The following WDR19 variants were observed in gnomAD, a reference collection of about 807,000 sequenced individuals.
The protein encoded by WDR19 is WD repeat-containing protein 19.
In WDR19, 121 loss-of-function variants were observed where a neutral mutation model predicts 180.0. The ratio of observed to expected loss-of-function variants is 0.67; its 90% CI spans 0.58 to 0.78. The LOEUF (loss-of-function observed/expected upper bound fraction) is 0.78. Among genes scored for constraint, WDR19 ranks in the 30% least tolerant of loss-of-function variants. WDR19 has a pLI of 0.00. For synonymous variants in WDR19, 497 were observed against 540.7 expected, an observed-to-expected ratio of 0.92 and a Z score of 1.12; for missense variants, 1,450 against 1,640.7, an observed-to-expected ratio of 0.88 and a Z score of 2.01.
At chr4:39,243,701 A>T (rs1405399669) in intron 21 of WDR19, among the ~76,000 whole-genome samples, 1 of 152,214 alleles carries the variant, frequency 6.6e-6, no homozygotes, top group East Asian at 1.9e-4. Flanking sequence ...GCAGATACAG[A>T]TCATTTCTGT....
intron 31 of WDR19, among the ~76,000 whole-genome samples, chr4:39,272,194 T>C (rs974852320): frequency 1.3e-5 from 2 of 152,156 alleles, no homozygotes; most frequent in Admixed American, 6.5e-5. Flanking sequence ...ATGGAGTCTT[T>C]AGGAGTGCAG....
chr4:39,225,301 T>C (rs1560511365), intron 15 of WDR19, among the ~76,000 whole-genome samples: 2 of 152,304 alleles, frequency 1.3e-5, no homozygotes, highest in Non-Finnish European at 2.9e-5. Flanking sequence ...TTCAAACTTA[T>C]CATATACTTA....
At chr4:39,257,395 A>C in intron 27 of WDR19, 91 bp from the exon 28 acceptor site, 2 of 1,184,088 alleles carry the variant, frequency 1.7e-6, no homozygotes, top group Admixed American at 4.3e-5. Flanking sequence ...CACAGACTGT[A>C]ATTACTTTGT....
intron 25 of WDR19, 69 bp from the exon 26 acceptor site, chr4:39,253,837 C>T: frequency 2.2e-6 from 3 of 1,392,458 alleles, no homozygotes; most frequent in Admixed American, 2.4e-5. Flanking sequence ...ATGGTTTCTC[C>T]TGGTTGAAAA....
In WDR19 at chr4:39,244,530, G is replaced by A. The variant is rs1355202966; in HGVS notation, c.2623G>A (p.Val875Ile). 2 of 1,613,858 alleles carry A rather than the reference G, an allele frequency of 1.2e-6. No homozygotes were observed. Residue 875 changes from valine to isoleucine, a missense_variant, in exon 23 of 37, where the codon GTT (valine) becomes ATT (isoleucine). Coordinates refer to ENST00000399820, the MANE Select transcript of WDR19 (RefSeq NM_025132.4). ...TCTCTACTACGATAAAGCAGCATCT[G>A]TTTACATCCGCTCTAAGAATTGGTA... Reference protein sequence around the residue: ...KGLYYDKAASVYIRSKNWAKV... With the variant: ...KGLYYDKAASIYIRSKNWAKV...
chr4:39,282,856 C>T (rs909044118), intron 36 of WDR19, among the ~76,000 whole-genome samples: 4 of 152,118 alleles, frequency 2.6e-5, no homozygotes, highest in African/African-American at 9.7e-5. Flanking sequence ...ACCTTGCATC[C>T]TATAACCTTT....
At chr4:39,246,865 C>G (rs1279263288) in intron 24 of WDR19, among the ~76,000 whole-genome samples, 1 of 152,264 alleles carries the variant, frequency 6.6e-6, no homozygotes, top group East Asian at 1.9e-4. Context: ...GAAGCTCCAA[C>G]TGGGTGGAGC....
Position 39,270,059 on chromosome 4 carries a change from G to A in WDR19, c.3442G>A (p.Ala1148Thr). 1 of 1,613,736 alleles carries A rather than the reference G, an allele frequency of 6.2e-7. No individual in the cohort carries two copies. Among genetic ancestry groups the A allele is most frequent in the Non-Finnish European group, 8.5e-7 (1 of 1,179,832 alleles). Residue 1148 changes from alanine (A) to threonine (T), a missense_variant, in exon 31 of 37, where the codon GCC becomes ACC. Transcript: ENST00000399820. ...GAAGATCAAAATTCCCTCCGAGATG[G>A]CCACCAACCTCATGATTCTGCACAG... ...SQKIKIPSEM[A>T]TNLMILHSYI... is the part of the protein sequence containing the mutation.
chr4:39,257,543 G>A lies in WDR19; in HGVS notation c.3172G>A (p.Ala1058Thr), dbSNP rs768769727. The A allele has an allele frequency of 6.3e-7, 1 of 1,586,518 alleles. No individual in the cohort carries two copies. The highest frequency in any genetic ancestry group is 8.6e-7 in the Non-Finnish European group (1 of 1,165,298). Residue 1058 changes from alanine (A) to threonine (T), a missense_variant, in exon 28 of 37, where the codon GCA becomes ACA. Coordinates refer to ENST00000399820, the MANE Select transcript of WDR19 (RefSeq NM_025132.4). ...SSEDNVAIEM[A>T]IETVGQAKDE... is the part of the protein sequence containing the mutation. ...GGAAGATAATGTGGCAATAGAAATGGCAATTGAAACTGTAAGTACGCTTTC... is the reference window on the plus strand; with the variant it reads ...GGAAGATAATGTGGCAATAGAAATGACAATTGAAACTGTAAGTACGCTTTC...
intron 12 of WDR19, among the ~76,000 whole-genome samples, chr4:39,216,742 G>T (rs776838918): frequency 6.6e-6 from 1 of 151,930 alleles, no homozygotes; most frequent in African/African-American, 2.4e-5. Context: ...TTCTTCCCCT[G>T]CCTCCTCCCC....
At chr4:39,193,599 A>G (rs1250952207) in intron 4 of WDR19, among the ~76,000 whole-genome samples, 1 of 152,210 alleles carries the variant, frequency 6.6e-6, no homozygotes, top group Non-Finnish European at 1.5e-5. Flanking sequence ...GTATCAAATA[A>G]GTATGTAATT....
chr4:39,230,253 T>C (rs1730699470), intron 17 of WDR19, among the ~76,000 whole-genome samples: 1 of 152,198 alleles, frequency 6.6e-6, no homozygotes, highest in South Asian at 2.1e-4. Flanking sequence ...ATATATTTCA[T>C]GATTCTTCCT....
Position 39,228,315 on chromosome 4 carries a change from G to T in WDR19, c.1735G>T (p.Asp579Tyr). 6.2e-7 allele frequency: 1 copy of T among 1,613,338 alleles called. No homozygotes were observed. The highest frequency in any genetic ancestry group is 8.5e-7 in the Non-Finnish European group (1 of 1,179,492). ...DKGVFIAYDD[D>Y]KVYTYVFHKD... The stretch of plus-strand genomic sequence containing the variant: ...AGGTGTATTTATTGCTTATGATGAT[G>T]ATAAGGTGTACACTTATGTCTTTCA... The change falls in exon 16 of 37, where the codon GAT becomes TAT. Residue 579 changes from aspartate (D) to tyrosine (Y), a missense_variant. Coordinates refer to ENST00000399820, the MANE Select transcript of WDR19 (RefSeq NM_025132.4).
Position 39,255,898 on chromosome 4 carries a change from G to A in WDR19, c.3052G>A (p.Glu1018Lys). The change falls in exon 27 of 37, where the codon GAA (glutamate) becomes AAA (lysine). Residue 1018 changes from glutamate (E) to lysine (K), a missense_variant. By Grantham distance (56) the Glu-to-Lys change is moderately conservative. Transcript: ENST00000399820. ...CTATCAAAGCATTGCCTTATACTTT[G>A]AAGGAGAAAAGAGATATCTTCAGGC... is the stretch of plus-strand genomic sequence containing the variant. ...EDYQSIALYF[E>K]GEKRYLQAGK... is the part of the protein sequence containing the mutation. 1 of 1,609,072 alleles carries A rather than the reference G, an allele frequency of 6.2e-7. No homozygotes were observed. The highest frequency in any genetic ancestry group is 8.5e-7 in the Non-Finnish European group (1 of 1,177,684).
intron 31 of WDR19, 145 bp downstream of exon 31, chr4:39,270,245 T>A: frequency 8.6e-7 from 1 of 1,160,316 alleles, no homozygotes; most frequent in Non-Finnish European, 1.2e-6. Context: ...AGAACATATC[T>A]ACAATACGCT....
At chr4:39,284,160 ATCCCTT>A (rs762637138) in intron 36 of WDR19, among the ~76,000 whole-genome samples, 13 of 105,712 alleles carry the variant, frequency 1.2e-4, no homozygotes, top group Non-Finnish European at 5.5e-5. Flanking sequence ...CACTTTTTCT[ATCCCTT>A]TCTGTCTTCT....
intron 24 of WDR19, among the ~76,000 whole-genome samples, chr4:39,246,525 G>A (rs995265410): frequency 5.9e-5 from 9 of 152,204 alleles, no homozygotes; most frequent in South Asian, 4.1e-4. Context: ...TGGGTGCAGC[G>A]CACCGTGTGT....
At chr4:39,278,684 G>A (rs368176058) in intron 36 of WDR19, 21 bp downstream of exon 36, 10 of 1,500,360 alleles carry the variant, frequency 6.7e-6, no homozygotes, top group Middle Eastern at 1.7e-4. Context: ...GAGCGCCCAC[G>A]CACCTTCTGG....
Position 39,211,929 on chromosome 4 carries a change from CAGAGAG to C in WDR19, c.891-2620_891-2615del, listed in dbSNP as rs60128786. ...GCATGCTTGTTCTAATATAGACAGA[CAGAGAG>C]AGAGAGAGAGAGAGAGAGAGAGAGA... On this transcript the variant is annotated intron_variant, in intron 9 of 36. Transcript: ENST00000399820. Among the ~76,000 whole-genome samples, 617 of 135,306 alleles carry C rather than the reference CAGAGAG, an allele frequency of 4.6e-3. 4 individuals carry two copies. Among genetic ancestry groups the C allele is most frequent in the African/African-American group, 8.5e-3 (310 of 36,326 alleles). 88.8% of individuals were successfully genotyped at this position (135,306 alleles called of 152,430 possible).
Sources: allele counts gnomAD v4.1 joint callset (sites outside exome capture counted in the v4.1 genomes callset), GRCh38; gene constraint gnomAD v4.1.1; transcripts MANE v1.5; gene names NCBI Gene and HGNC (gene_info 2026-07-23, HGNC 2026-07-21).